Variants in MXD4 observed in about 807,000 individuals in gnomAD.
The protein encoded by MXD4 is Mad4 homolog.
MXD4 carries 16 observed loss-of-function variants against 24.5 expected under a neutral mutation model. The observed-to-expected ratio is 0.65, with a 90% CI of 0.44 to 0.99. The LOEUF (loss-of-function observed/expected upper bound fraction) is 0.99, where lower values mean the gene tolerates loss of function less well. MXD4 is among the 50% of genes least tolerant of loss of function. The pLI, the probability that MXD4 is intolerant of heterozygous loss-of-function variation, is 0.00. For synonymous variants in MXD4, 164 were observed against 134.2 expected, an observed-to-expected ratio of 1.22 and a Z score of -1.54; for missense variants, 301 against 301.5, an observed-to-expected ratio of 1.00 and a Z score of 0.01.
At chr4:2,259,142 C>T (rs1408328462) in intron 2 of MXD4, 5 of 341,186 alleles carry the variant, frequency 1.5e-5, no homozygotes, top group Non-Finnish European at 2.9e-5. Flanking sequence ...CAGGACCTGG[C>T]TCCTTCCTGA....
intron 2 of MXD4, chr4:2,260,444 A>T (rs1261667322): frequency 2.4e-6 from 1 of 417,400 alleles, no homozygotes; most frequent in Non-Finnish European, 4.9e-6. Context: ...CTTGGCCAGG[A>T]CGCTGGTTGT....
intron 3 of MXD4, chr4:2,255,166 C>G: frequency 2.6e-6 from 1 of 388,844 alleles, no homozygotes; most frequent in Non-Finnish European, 5.2e-6. Flanking sequence ...TACGTGGTGT[C>G]GGGTGAAAGA....
At chr4:2,260,415 G>A (rs1352432735) in intron 2 of MXD4, 15 of 381,684 alleles carry the variant, frequency 3.9e-5, no homozygotes, top group Non-Finnish European at 7.5e-5. Context: ...GCTCAGCATA[G>A]AGGCAGTGTT....
intron 5 of MXD4, 55 bp from the exon 6 acceptor site, chr4:2,250,756 T>C (rs549718420): frequency 1.3e-6 from 2 of 1,572,354 alleles, no homozygotes; most frequent in South Asian, 1.2e-5. Context: ...GCCAGCCCAT[T>C]TCTCCCTTTT....
chr4:2,260,544 CG>C, intron 2 of MXD4: 1 of 455,756 alleles, frequency 2.2e-6, no homozygotes, highest in Admixed American at 2.4e-5. Flanking sequence ...GAAGCGGCAG[CG>C]GGGGCCGGGC....
At chr4:2,261,675 G>T in intron 2 of MXD4, 50 bp downstream of exon 2, 1 of 1,118,838 alleles carries the variant, frequency 8.9e-7, no homozygotes, top group Non-Finnish European at 1.1e-6. Flanking sequence ...CTCCGGGCGG[G>T]GGCGGGGGTT....
chr4:2,254,671 T>C (rs955062293), intron 3 of MXD4: 16 of 152,818 alleles, frequency 1.0e-4, no homozygotes, highest in African/African-American at 3.9e-4. Flanking sequence ...AAAAGCAGAA[T>C]GCCTCGATGT....
chr4:2,260,552 G>A (rs1577825057), intron 2 of MXD4: 1 of 455,702 alleles, frequency 2.2e-6, no homozygotes, highest in Non-Finnish European at 4.4e-6. Context: ...AGCGGGGGCC[G>A]GGCTTGCTCA....
At position 2,249,625 on chromosome 4, in the gene MXD4, C is replaced by G. The variant is rs1261458326; in HGVS notation, c.*919G>C. The G allele has an allele frequency of 1.3e-5, 2 of 152,178 alleles. No homozygotes were observed. Among genetic ancestry groups the G allele is most frequent in the Non-Finnish European group, 2.9e-5 (2 of 68,078 alleles). 9.4% of individuals were successfully genotyped at this position (152,178 alleles called of 1,614,324 possible). On this transcript the variant is annotated 3_prime_UTR_variant, in exon 6 of 6. Transcript: ENST00000337190. Reference sequence around the variant, plus strand: ...GGAGATGAGTAAGCCCCCGAGGACCCAGCGGCTGCAACTTAACCAGCCTCC... The same window carrying G: ...GGAGATGAGTAAGCCCCCGAGGACCGAGCGGCTGCAACTTAACCAGCCTCC...
rs983673802 is a variant in MXD4, at chr4:2,248,672, T to A, written c.*1872A>T. ...GGATGCCCCTCAGCTCCAGGCACCA[T>A]GCCCCCTACAGCCTGCAGGGCAGGT... On this transcript the variant is annotated 3_prime_UTR_variant, in exon 6 of 6. Coordinates refer to ENST00000337190, the MANE Select transcript of MXD4 (RefSeq NM_006454.3). 6.6e-6 allele frequency: 1 copy of A among 152,348 alleles called. No homozygotes were observed. 9.4% of individuals were successfully genotyped at this position (152,348 alleles called of 1,614,324 possible). A position where few individuals can be genotyped will look rare whatever the true frequency, so the allele number is the denominator to read the frequency against.
chr4:2,253,220 C>CT (rs1411544969), intron 3 of MXD4: 2 of 152,338 alleles, frequency 1.3e-5, no homozygotes, highest in African/African-American at 4.8e-5. Flanking sequence ...GAGAGGGGCC[C>CT]TGGCTTCATC....
At chr4:2,257,095 G>A (rs927793250) in intron 3 of MXD4, among the ~76,000 whole-genome samples, 4 of 152,220 alleles carry the variant, frequency 2.6e-5, no homozygotes, top group South Asian at 2.1e-4. Flanking sequence ...CTGCCCAGCT[G>A]CCCGCCCCAG....
At chr4:2,253,819 ATCCTCAACGTC>A (rs1735370525) in intron 3 of MXD4, 1 of 152,226 alleles carries the variant, frequency 6.6e-6, no homozygotes, top group Non-Finnish European at 1.5e-5. Context: ...CAGGGCCAAG[ATCCTCAACGTC>A]TCCCACGCTG....
At position 2,256,170 on chromosome 4, in the gene MXD4, T is replaced by G. The variant is rs114022747; in HGVS notation, c.194+1812A>C. On this transcript the variant is annotated intron_variant, in intron 3 of 5. Coordinates refer to ENST00000337190, the MANE Select transcript of MXD4 (RefSeq NM_006454.3). ...GGGCCAGGAAAGAAGGCTGGGACCT[T>G]CCCCCAAAACACACTAAGATCAGAG... is the stretch of plus-strand genomic sequence containing the variant. 2.1e-3 allele frequency among the ~76,000 whole-genome samples: 312 copies of G among 152,154 alleles called. 1 individual carries two copies. The highest frequency in any genetic ancestry group is 7.2e-3 in the African/African-American group (297 of 41,504).
chr4:2,250,455 G>T lies in MXD4; in HGVS notation c.*89C>A. 7.1e-7 allele frequency: 1 copy of T among 1,411,534 alleles called. No homozygotes were observed. The highest frequency in any genetic ancestry group is 9.4e-7 in the Non-Finnish European group (1 of 1,063,112). The allele number at this position is 1,411,534 out of a possible 1,614,324, so 87.4% of individuals were successfully genotyped here. A position where few individuals can be genotyped will look rare whatever the true frequency, so the allele number is the denominator to read the frequency against. ...TCCAGAATGGCACAGCAGTGGGCCT[G>T]TGGAGAGGCTGGCGTCAACTGAAGG... On this transcript the variant is annotated 3_prime_UTR_variant, in exon 6 of 6. Transcript: ENST00000337190.
At position 2,261,111 on chromosome 4, in the gene MXD4, C is replaced by T. The variant is rs565907928; in HGVS notation, c.164+614G>A. Among the ~76,000 whole-genome samples, 62 of 152,360 alleles carry T rather than the reference C, an allele frequency of 4.1e-4. No individual in the cohort carries two copies. The South Asian group carries it at 0.012, about 29-fold the overall frequency. On this transcript the variant is annotated intron_variant, in intron 2 of 5. Transcript: ENST00000337190. The stretch of plus-strand genomic sequence containing the variant: ...AAGGCCTCTGTCTTAAAAAAGAGGA[C>T]CCCCATACTGGTGGCTGGAGTTTCG...
intron 2 of MXD4, among the ~76,000 whole-genome samples, chr4:2,259,868 GC>G (rs1319263604): frequency 2.6e-5 from 4 of 152,154 alleles, no homozygotes; most frequent in African/African-American, 9.7e-5. Flanking sequence ...CTGCAGGCTG[GC>G]CCCAGTGCTC....
Position 2,250,537 on chromosome 4 carries a change from C to T in MXD4, c.*7G>A. 6.4e-7 allele frequency: 1 copy of T among 1,568,044 alleles called. No homozygotes were observed. Among genetic ancestry groups the T allele is most frequent in the Non-Finnish European group, 8.6e-7 (1 of 1,157,896 alleles). On this transcript the variant is annotated 3_prime_UTR_variant, in exon 6 of 6. Coordinates refer to ENST00000337190, the MANE Select transcript of MXD4 (RefSeq NM_006454.3). ...GGCAGGCAGGCCAAGGAGCAGAGGG[C>T]ACGGGCCTACGAGAGGGCGGGGCGG... is the stretch of plus-strand genomic sequence containing the variant.
intron 2 of MXD4, among the ~76,000 whole-genome samples, chr4:2,260,392 G>A (rs1215567282): frequency 6.6e-6 from 1 of 152,248 alleles, no homozygotes; most frequent in Non-Finnish European, 1.5e-5. Flanking sequence ...TGAACTGGCT[G>A]CATGTGTGAA....
Sources: allele counts gnomAD v4.1 joint callset (sites outside exome capture counted in the v4.1 genomes callset), GRCh38; gene constraint gnomAD v4.1.1; transcripts MANE v1.5; gene names NCBI Gene and HGNC (gene_info 2026-07-23, HGNC 2026-07-21).